Variants in SEMA6D observed in about 807,000 individuals in gnomAD.
SEMA6D encodes the protein semaphorin-6D.
Under a neutral mutation model 106.6 loss-of-function variants are expected in SEMA6D, and 35 were observed. The ratio of observed to expected loss-of-function variants is 0.33; its 90% CI spans 0.25 to 0.44. The LOEUF is 0.44. SEMA6D is among the 20% of genes least tolerant of loss of function. The pLI is 1.00. For synonymous variants in SEMA6D, 499 were observed against 487.7 expected, an observed-to-expected ratio of 1.02 and a Z score of -0.31; for missense variants, 1,185 against 1,345.9, an observed-to-expected ratio of 0.88 and a Z score of 1.87.
intron 1 of SEMA6D, among the ~76,000 whole-genome samples, chr15:47,230,822 TAAA>T (rs1566940237): frequency 2.0e-5 from 3 of 152,020 alleles, no homozygotes; most frequent in African/African-American, 7.2e-5. Context: ...GATGCACTCT[TAAA>T]GAACCACTGG....
At position 47,434,462 on chromosome 15, in the gene SEMA6D, C is replaced by T. The variant is rs1423276576; in HGVS notation, c.-159+21990C>T. 7.2e-5 allele frequency among the ~76,000 whole-genome samples: 11 copies of T among 152,142 alleles called. No individual in the cohort carries two copies. The South Asian group carries it at 1.9e-3, about 26-fold the overall frequency. On this transcript the variant is annotated intron_variant, in intron 2 of 19. Coordinates refer to the SEMA6D transcript ENST00000558014. ...CAGATATTTTTTTTCTTCTTCCACC[C>T]TCCATTCTCTCTTTTCTTGCTACAT...
chr15:47,315,655 G>A (rs1387032965), intron 1 of SEMA6D, among the ~76,000 whole-genome samples: 2 of 152,196 alleles, frequency 1.3e-5, no homozygotes, highest in East Asian at 3.9e-4. Flanking sequence ...GATTTTTATT[G>A]GGTTTGTGTT....
chr15:47,348,737 G>C (rs1217366601), intron 1 of SEMA6D, among the ~76,000 whole-genome samples: 1 of 52,456 alleles, frequency 1.9e-5, no homozygotes, highest in Non-Finnish European at 7.1e-5. Context: ...CAGAGAGAGA[G>C]AGAGAGAGAG....
Position 47,771,347 on chromosome 15 carries a change from G to A in SEMA6D, c.2784G>A (p.Ser928=), listed in dbSNP as rs755503358. 2.6e-5 allele frequency: 42 copies of A among 1,613,778 alleles called. No homozygotes were observed. In the Admixed American group the frequency reaches 3.5e-4, roughly 13 times the overall value. Residue 928 remains serine (S), a synonymous_variant, in exon 19 of 19, where the codon TCG becomes TCA. Coordinates refer to ENST00000536845, the MANE Select transcript of SEMA6D (RefSeq NM_001358351.3). ...CTAAAGTCCCTAACCGGGAGGCATC[G>A]CTATACTCCCCTCCTTCAACTCTCC... The part of the protein sequence containing the change: ...VPPKVPNREA[S]LYSPPSTLPR...
chr15:47,731,719 A>C (rs557856348), intron 1 of SEMA6D, among the ~76,000 whole-genome samples: 17 of 152,282 alleles, frequency 1.1e-4, no homozygotes, highest in Non-Finnish European at 2.4e-4. Flanking sequence ...TTTTTCCACA[A>C]TTATTCCTGC....
chr15:47,588,103 G>T (rs528081975), intron 3 of SEMA6D, among the ~76,000 whole-genome samples: 16 of 152,168 alleles, frequency 1.1e-4, no homozygotes, highest in African/African-American at 3.4e-4. Context: ...TTTCTCACTG[G>T]CTCCCTCCCA....
intron 3 of SEMA6D, among the ~76,000 whole-genome samples, chr15:47,476,333 T>C (rs2042999479): frequency 6.6e-6 from 1 of 152,206 alleles, no homozygotes; most frequent in African/African-American, 2.4e-5. Flanking sequence ...GTGAACTTTA[T>C]AATCTTAAAA....
At chr15:47,730,700 T>C (rs914939473) in intron 1 of SEMA6D, 33 of 1,607,560 alleles carry the variant, frequency 2.1e-5, no homozygotes, top group Non-Finnish European at 2.4e-5. Flanking sequence ...AACTGGTTAA[T>C]CGCAGGAGGC....
intron 4 of SEMA6D, among the ~76,000 whole-genome samples, chr15:47,683,900 G>A (rs565357426): frequency 1.3e-5 from 2 of 152,128 alleles, no homozygotes; most frequent in East Asian, 1.9e-4. Flanking sequence ...ATCAACATAC[G>A]TTTAGTGACC....
intron 1 of SEMA6D, among the ~76,000 whole-genome samples, chr15:47,196,257 T>C (rs1894350772): frequency 6.6e-6 from 1 of 152,010 alleles, no homozygotes. Context: ...TCTCAAGGCG[T>C]TTAGTGCCCT....
At chr15:47,744,244 A>G (rs947949116) in intron 1 of SEMA6D, among the ~76,000 whole-genome samples, 21 of 152,192 alleles carry the variant, frequency 1.4e-4, no homozygotes, top group African/African-American at 5.1e-4. Context: ...TTTGAAGAGC[A>G]TAAAACACTA....
chr15:47,756,445 C>T (rs978525467), intron 1 of SEMA6D, among the ~76,000 whole-genome samples: 1 of 152,046 alleles, frequency 6.6e-6, no homozygotes, highest in Non-Finnish European at 1.5e-5. Context: ...TGTTAGATGC[C>T]TCATACTGAT....
chr15:47,770,121 G>C (rs1351105644), intron 18 of SEMA6D, among the ~76,000 whole-genome samples: 1 of 152,152 alleles, frequency 6.6e-6, no homozygotes, highest in Non-Finnish European at 1.5e-5. Context: ...CCTGAATTAA[G>C]AGAAAATTAT....
At chr15:47,201,102 T>C (rs894930562) in intron 1 of SEMA6D, among the ~76,000 whole-genome samples, 1 of 152,194 alleles carries the variant, frequency 6.6e-6, no homozygotes, top group Admixed American at 6.5e-5. Flanking sequence ...TTGTGTGTGT[T>C]TTATATTTTG....
At chr15:47,763,516 C>T (rs1189781367) in intron 9 of SEMA6D, among the ~76,000 whole-genome samples, 1 of 152,102 alleles carries the variant, frequency 6.6e-6, no homozygotes, top group African/African-American at 2.4e-5. Context: ...TATTGCAACC[C>T]CTTCTATGCC....
chr15:47,355,514 G>A (rs1432283069), intron 1 of SEMA6D, among the ~76,000 whole-genome samples: 1 of 152,172 alleles, frequency 6.6e-6, no homozygotes, highest in Non-Finnish European at 1.5e-5. Context: ...GTGTGAGAAA[G>A]AGAAAGAGAG....
At chr15:47,620,027 T>G (rs16959886) in intron 4 of SEMA6D, among the ~76,000 whole-genome samples, 5,057 of 152,204 alleles carry the variant, frequency 0.033, 292 homozygotes, top group African/African-American at 0.12. Flanking sequence ...GAAAAGGGGT[T>G]GCGGTGACAG....
At chr15:47,661,479 G>A (rs963191340) in intron 4 of SEMA6D, among the ~76,000 whole-genome samples, 2 of 152,196 alleles carry the variant, frequency 1.3e-5, no homozygotes, top group Non-Finnish European at 2.9e-5. Context: ...TTCTGGGTGA[G>A]GGGTGAAGCT....
At chr15:47,252,525 CA>C (rs989921785) in intron 1 of SEMA6D, among the ~76,000 whole-genome samples, 27 of 152,090 alleles carry the variant, frequency 1.8e-4, no homozygotes, top group Admixed American at 7.9e-4. Flanking sequence ...ACTTTGTACC[CA>C]TTAACTTACC....
Sources: allele counts gnomAD v4.1 joint callset (sites outside exome capture counted in the v4.1 genomes callset), GRCh38; gene constraint gnomAD v4.1.1; transcripts MANE v1.5; gene names NCBI Gene and HGNC (gene_info 2026-07-23, HGNC 2026-07-21).